The following PTPN11 variants were observed in gnomAD, a reference collection of about 807,000 sequenced individuals.
PTPN11 encodes the protein tyrosine-protein phosphatase non-receptor type 11.
PTPN11 carries 6 observed loss-of-function variants against 78.8 expected under a neutral mutation model. The ratio of observed to expected loss-of-function variants is 0.08; its 90% confidence interval spans 0.04 to 0.15. The LOEUF is 0.15. PTPN11 is among the 10% of genes least tolerant of loss of function. PTPN11 has a pLI of 1.00. For missense variants in PTPN11, 386 were observed against 744.8 expected, an observed-to-expected ratio of 0.52 and a Z score of 5.61; for synonymous variants, 221 against 263.5, an observed-to-expected ratio of 0.84 and a Z score of 1.56.
chr12:112,478,423 T>G (rs573559708), intron 9 of PTPN11, among the ~76,000 whole-genome samples: 61 of 151,898 alleles, frequency 4.0e-4, no homozygotes, highest in African/African-American at 1.4e-3. Context: ...AAAAAAAATG[T>G]ACCCTGCACA....
intron 13 of PTPN11, among the ~76,000 whole-genome samples, chr12:112,491,911 T>C (rs2038750428): frequency 6.6e-6 from 1 of 152,208 alleles, no homozygotes; most frequent in Admixed American, 6.5e-5. Flanking sequence ...TTCGCCGTGT[T>C]GCCCCGGCTG....
intron 7 of PTPN11, among the ~76,000 whole-genome samples, chr12:112,474,211 G>A (rs376825419): frequency 4.6e-5 from 7 of 152,052 alleles, no homozygotes; most frequent in South Asian, 2.1e-4. Context: ...TTAGCTGGGC[G>A]TGGTGGTGGA....
intron 14 of PTPN11, among the ~76,000 whole-genome samples, chr12:112,502,992 C>A (rs1391620638): frequency 1.3e-5 from 2 of 152,156 alleles, no homozygotes; most frequent in African/African-American, 4.8e-5. Context: ...GCTCATTTGC[C>A]ACCAGTCAAC....
chr12:112,500,451 A>G (rs537318465), intron 13 of PTPN11, among the ~76,000 whole-genome samples: 1 of 152,286 alleles, frequency 6.6e-6, no homozygotes, highest in South Asian at 2.1e-4. Context: ...AAAATAGTAT[A>G]TAAACCAAAC....
chr12:112,465,093 C>T (rs543122900), intron 6 of PTPN11, among the ~76,000 whole-genome samples: 22 of 152,196 alleles, frequency 1.4e-4, no homozygotes, highest in Non-Finnish European at 2.8e-4. Context: ...ACACTTGAAT[C>T]GGCCCTGTGC....
chr12:112,427,313 G>A (rs2037633296), intron 1 of PTPN11, among the ~76,000 whole-genome samples: 2 of 151,932 alleles, frequency 1.3e-5, no homozygotes, highest in Admixed American at 6.6e-5. Context: ...TTGGGAGGCC[G>A]AGGCGGGTGG....
At chr12:112,451,493 A>G (rs879688631) in intron 3 of PTPN11, among the ~76,000 whole-genome samples, 3 of 152,202 alleles carry the variant, frequency 2.0e-5, no homozygotes, top group Non-Finnish European at 2.9e-5. Flanking sequence ...ATGGAGCAGT[A>G]TTGTCTCAAA....
intron 4 of PTPN11, 141 bp downstream of exon 4, chr12:112,453,528 G>T (rs1592829176): frequency 1.3e-6 from 1 of 750,860 alleles, no homozygotes; most frequent in African/African-American, 1.8e-5. Context: ...TTGAGACAGG[G>T]TCTTGCTCTA....
intron 2 of PTPN11, among the ~76,000 whole-genome samples, chr12:112,449,751 GC>G (rs1477063336): frequency 6.6e-6 from 1 of 151,942 alleles, no homozygotes; most frequent in Non-Finnish European, 1.5e-5. Context: ...AATTCGATAG[GC>G]CAGTCATTCA....
At chr12:112,477,574 T>C in intron 7 of PTPN11, 77 bp from the exon 8 acceptor site, 1 of 1,165,326 alleles carries the variant, frequency 8.6e-7, no homozygotes, top group Non-Finnish European at 1.3e-6. Context: ...TGGACTAGGC[T>C]GGGGAGTAAC....
At position 112,419,087 on chromosome 12, in the gene PTPN11, C is replaced by T. The variant is rs1250649560; in HGVS notation, c.-25C>T. 2.0e-6 allele frequency: 3 copies of T among 1,532,840 alleles called. No individual in the cohort carries two copies. Among genetic ancestry groups the T allele is most frequent in the East Asian group, 2.5e-5 (1 of 39,830 alleles). 95.0% of individuals were successfully genotyped at this position (1,532,840 alleles called of 1,614,324 possible). ...GAGCCTGAGCAAGGAGCGGGTCCGT[C>T]GCGGAGCCGGAGGGCGGGAGGAACA... On this transcript the variant is annotated 5_prime_UTR_variant, in exon 1 of 16. Coordinates refer to ENST00000351677, the MANE Select transcript of PTPN11 (RefSeq NM_002834.5).
intron 3 of PTPN11, among the ~76,000 whole-genome samples, chr12:112,452,399 T>A (rs1049400299): frequency 2.0e-5 from 3 of 152,162 alleles, no homozygotes; most frequent in Non-Finnish European, 2.9e-5. Flanking sequence ...GCCAATTTTG[T>A]ATTTTTAGCA....
chr12:112,434,154 C>T (rs1377056103), intron 1 of PTPN11, among the ~76,000 whole-genome samples: 4 of 151,562 alleles, frequency 2.6e-5, no homozygotes, highest in Admixed American at 6.6e-5. Flanking sequence ...GTGGTGCATT[C>T]CTGTAGTCCC....
intron 6 of PTPN11, among the ~76,000 whole-genome samples, chr12:112,472,714 T>C (rs1417876788): frequency 1.3e-5 from 2 of 152,186 alleles, no homozygotes; most frequent in African/African-American, 4.8e-5. Flanking sequence ...TTGGCCAGGC[T>C]GGTTTCGAAC....
At chr12:112,421,251 T>C (rs568502889) in intron 1 of PTPN11, among the ~76,000 whole-genome samples, 1 of 152,248 alleles carries the variant, frequency 6.6e-6, no homozygotes, top group Non-Finnish European at 1.5e-5. Context: ...TAATGAGGTA[T>C]AAATGACATG....
intron 14 of PTPN11, among the ~76,000 whole-genome samples, chr12:112,502,489 T>C (rs2038888337): frequency 6.6e-6 from 1 of 152,212 alleles, no homozygotes; most frequent in Admixed American, 6.5e-5. Flanking sequence ...CTAACGCCTG[T>C]AATCCCAGTG....
chr12:112,454,652 C>A lies in PTPN11; in HGVS notation c.614C>A (p.Thr205Lys). 1 of 1,613,206 alleles carries A rather than the reference C, an allele frequency of 6.2e-7. No individual in the cohort carries two copies. The highest frequency in any genetic ancestry group is 8.5e-7 in the Non-Finnish European group (1 of 1,179,284). ...EHYKKNPMVETLGTVLQLKQP... is the reference protein window; with the variant it reads ...EHYKKNPMVEKLGTVLQLKQP... ...TATAAGAAGAATCCTATGGTGGAAA[C>A]ATTGGGTACAGTACTACAACTCAAG... The change falls in exon 5 of 16, where the codon ACA (threonine) becomes AAA (lysine). Residue 205 changes from threonine (T) to lysine (K), a missense_variant. By Grantham distance (78) the Thr-to-Lys change is moderately conservative. Coordinates refer to ENST00000351677, the MANE Select transcript of PTPN11 (RefSeq NM_002834.5).
At chr12:112,447,002 ACT>A (rs1384319666) in intron 2 of PTPN11, among the ~76,000 whole-genome samples, 1 of 151,848 alleles carries the variant, frequency 6.6e-6, no homozygotes, top group African/African-American at 2.4e-5. Context: ...GGTAGCTGGG[ACT>A]CCAGGCTTGT....
chr12:112,443,597 G>A (rs192353035), intron 1 of PTPN11, among the ~76,000 whole-genome samples: 64 of 151,404 alleles, frequency 4.2e-4, no homozygotes, highest in Non-Finnish European at 3.4e-4. Flanking sequence ...CTCATGATCC[G>A]CCCGCCTTGG....
Sources: allele counts gnomAD v4.1 joint callset (sites outside exome capture counted in the v4.1 genomes callset), GRCh38; gene constraint gnomAD v4.1.1; transcripts MANE v1.5; gene names NCBI Gene and HGNC (gene_info 2026-07-23, HGNC 2026-07-21).